Variants in DMD observed in about 807,000 individuals in gnomAD.
The protein encoded by DMD is dystrophin, also known as mutant dystrophin.
Under a neutral mutation model 330.1 loss-of-function variants are expected in DMD, and 63 were observed. That is an observed-to-expected ratio of 0.19 (90% CI 0.16 to 0.24). DMD has a LOEUF of 0.24. DMD is among the 10% of genes least tolerant of loss of function. The pLI is 1.00. For synonymous variants in DMD, 1,223 were observed against 959.8 expected (o/e 1.27, Z -5.07); for missense variants, 3,344 against 2,684.1 (o/e 1.25, Z -5.43).
intron 61 of DMD, among the ~76,000 whole-genome samples, chrX:31,325,876 A>G (rs916394571): frequency 9.0e-6 from 1 of 111,085 alleles, no homozygotes; most frequent in Non-Finnish European, 1.9e-5. Context: ...TAAACTGAGA[A>G]AAGAATGGCT....
chrX:32,006,369 G>A (rs2095661457), intron 44 of DMD, among the ~76,000 whole-genome samples: 1 of 111,799 alleles, frequency 8.9e-6, no homozygotes, highest in South Asian at 3.7e-4. Flanking sequence ...GGGAAATTGA[G>A]AGGTATGCTG....
chrX:31,502,237 A>T (rs1285934502), intron 56 of DMD, among the ~76,000 whole-genome samples: 1 of 111,960 alleles, frequency 8.9e-6, no homozygotes, highest in Non-Finnish European at 1.9e-5. Flanking sequence ...TACTTCAGAA[A>T]CAAAAAAAAT....
intron 7 of DMD, among the ~76,000 whole-genome samples, chrX:32,789,551 C>G (rs748571060): frequency 8.9e-6 from 1 of 112,025 alleles, no homozygotes; most frequent in East Asian, 2.8e-4. Context: ...GCTTCCCCAA[C>G]CGATTTTATT....
chrX:31,416,684 G>A (rs1385764012), intron 60 of DMD, among the ~76,000 whole-genome samples: 1 of 112,225 alleles, frequency 8.9e-6, no homozygotes, highest in Non-Finnish European at 1.9e-5. Context: ...GAGGACTTCA[G>A]CATGAAGCAT....
intron 1 of DMD, among the ~76,000 whole-genome samples, chrX:33,320,115 A>G (rs2053994230): frequency 9.0e-6 from 1 of 111,700 alleles, no homozygotes; most frequent in Non-Finnish European, 1.9e-5. Context: ...AATCAGAGCC[A>G]TATTACTCAT....
chrX:32,045,781 A>C (rs1177636718), intron 44 of DMD, among the ~76,000 whole-genome samples: 3 of 112,362 alleles, frequency 2.7e-5, no homozygotes, highest in Non-Finnish European at 5.6e-5. Context: ...AGCATAAGAA[A>C]ATAATACACT....
At chrX:31,122,575 T>C (rs777382408) in intron 78 of DMD, among the ~76,000 whole-genome samples, 1 of 111,393 alleles carries the variant, frequency 9.0e-6, no homozygotes, top group African/African-American at 3.3e-5. Flanking sequence ...AATAATAAAC[T>C]CTTGAATTGA....
chrX:32,604,966 A>G (rs1488672973), intron 12 of DMD, among the ~76,000 whole-genome samples: 1 of 111,211 alleles, frequency 9.0e-6, no homozygotes, highest in East Asian at 2.8e-4. Flanking sequence ...TTGTTAAAAT[A>G]ACCACACTGC....
rs751420940 is a variant in DMD at position 33,188,342 on chromosome X, A to T, written c.31+22940T>A. On this transcript the variant is annotated intron_variant, in intron 1 of 78. Coordinates refer to ENST00000357033, the MANE Select transcript of DMD (RefSeq NM_004006.3). ...CATATCTTACTTTCTCCATTTTCCCATTCTTCCAGCCCTTTGCTCTTTTCG... is the reference window on the plus strand; with the variant it reads ...CATATCTTACTTTCTCCATTTTCCCTTTCTTCCAGCCCTTTGCTCTTTTCG... 2.7e-5 allele frequency among the ~76,000 whole-genome samples: 3 copies of T among 110,197 alleles called. No individual in the cohort carries two copies. In the South Asian group the frequency reaches 1.2e-3, roughly 44 times the overall value.
intron 42 of DMD, among the ~76,000 whole-genome samples, chrX:32,299,058 C>G (rs1026898824): frequency 9.1e-6 from 1 of 109,722 alleles, no homozygotes; most frequent in Admixed American, 9.9e-5. Flanking sequence ...AAATATGTAT[C>G]GGGAAATCCA....
intron 44 of DMD, among the ~76,000 whole-genome samples, chrX:32,081,759 C>A (rs930030587): frequency 1.8e-5 from 2 of 110,649 alleles, no homozygotes; most frequent in Non-Finnish European, 3.8e-5. Context: ...GAGTTTGAGG[C>A]AGAAGAATCA....
chrX:32,290,342 C>T (rs955224864), intron 42 of DMD, among the ~76,000 whole-genome samples: 16 of 111,655 alleles, frequency 1.4e-4, no homozygotes, highest in Non-Finnish European at 1.9e-4. Context: ...ATCAAGTAGC[C>T]GGTATATACC....
At chrX:32,454,356 A>C (rs919639266) in intron 26 of DMD, among the ~76,000 whole-genome samples, 6 of 111,213 alleles carry the variant, frequency 5.4e-5, no homozygotes, top group African/African-American at 1.9e-4. Context: ...CATTTACATC[A>C]GCTACAGACA....
At chrX:32,325,514 A>C (rs1396350576) in intron 41 of DMD, among the ~76,000 whole-genome samples, 1 of 111,801 alleles carries the variant, frequency 8.9e-6, no homozygotes, top group Non-Finnish European at 1.9e-5. Flanking sequence ...TTGGCTCCCA[A>C]TATTATGGAA....
At chrX:31,138,635 GAGAGAGAGA>G (rs2035574630) in intron 76 of DMD, among the ~76,000 whole-genome samples, 1 of 2,416 alleles carries the variant, frequency 4.1e-4, no homozygotes, top group Non-Finnish European at 1.0e-3. Flanking sequence ...GAGAGAGAGA[GAGAGAGAGA>G]GAGAGAGAGA....
At chrX:32,949,371 TAGATAGATA>T (rs1381399686) in intron 2 of DMD, among the ~76,000 whole-genome samples, 47 of 105,867 alleles carry the variant, frequency 4.4e-4, no homozygotes, top group African/African-American at 1.6e-3. Context: ...GATAGATAGA[TAGATAGATA>T]GATAGATAGA....
intron 2 of DMD, among the ~76,000 whole-genome samples, chrX:33,010,589 C>T (rs1279360712): frequency 3.6e-5 from 4 of 110,549 alleles, no homozygotes; most frequent in Non-Finnish European, 7.6e-5. Context: ...AAATTTGAAA[C>T]ATTTCTATTT....
rs767993498 is a variant in DMD, at chrX:32,312,942, C to CAAAAAAAAAAAAAAA, written c.5923-2681_5923-2667dup. Among the ~76,000 whole-genome samples the CAAAAAAAAAAAAAAA allele has an allele frequency of 1.4e-3, 28 of 20,400 alleles. 5 individuals are homozygous for CAAAAAAAAAAAAAAA. Among genetic ancestry groups the CAAAAAAAAAAAAAAA allele is most frequent in the Non-Finnish European group, 2.2e-3 (23 of 10,342 alleles). The allele number at this position is 20,400 out of a possible 115,157, so 17.7% of individuals were successfully genotyped here. ...ATTGAGGCAGTAATAGCCTACGAAC[C>CAAAAAAAAAAAAAAA]AAAAAAAAAAAAAAAAAAAAAAGCC... On this transcript the variant is annotated intron_variant, in intron 41 of 78. Coordinates refer to ENST00000357033, the MANE Select transcript of DMD (RefSeq NM_004006.3).
chrX:31,354,488 G>C (rs988429166), intron 60 of DMD, among the ~76,000 whole-genome samples: 1 of 110,587 alleles, frequency 9.0e-6, no homozygotes, highest in African/African-American at 3.3e-5. Context: ...TATAATACTA[G>C]ATTTAAAAAT....
Sources: allele counts gnomAD v4.1 joint callset (sites outside exome capture counted in the v4.1 genomes callset), GRCh38; gene constraint gnomAD v4.1.1; transcripts MANE v1.5; gene names NCBI Gene and HGNC (gene_info 2026-07-23, HGNC 2026-07-21).